Variants in ZMYM2 observed in about 807,000 individuals in gnomAD.
The protein encoded by ZMYM2 is zinc finger MYM-type protein 2.
Under a neutral mutation model 162.8 loss-of-function variants are expected in ZMYM2, and 56 were observed. The ratio of observed to expected loss-of-function variants is 0.34; its 90% CI spans 0.28 to 0.43. The LOEUF (loss-of-function observed/expected upper bound fraction) is 0.43, where lower values mean the gene tolerates loss of function less well. Among genes scored for constraint, ZMYM2 ranks in the 20% least tolerant of loss-of-function variants. ZMYM2 has a pLI of 1.00. For missense variants in ZMYM2, 1,275 were observed against 1,621.8 expected (o/e 0.79, Z 3.67); for synonymous variants, 510 against 541.6 (o/e 0.94, Z 0.81).
At chr13:19,900,922 C>CA in the ZMYM2 span, among the ~76,000 whole-genome samples, 1 of 152,056 alleles carries the variant, frequency 6.6e-6, no homozygotes, top group African/African-American at 2.4e-5. Context: ...GTCCCAGCTA[C>CA]TCGTGAGGCT....
rs981389855 is a variant in ZMYM2 at position 19,973,179 on chromosome 13, C to T, written c.-11+13153C>T. Among the ~76,000 whole-genome samples, 18 of 151,864 alleles carry T rather than the reference C, an allele frequency of 1.2e-4. No homozygotes were observed. The South Asian group carries it at 1.5e-3, about 12-fold the overall frequency. On this transcript the variant is annotated intron_variant, in intron 2 of 24. Coordinates refer to ENST00000610343, the MANE Select transcript of ZMYM2 (RefSeq NM_197968.4). ...CTCAAACTCCTGACCTCAGGTGATC[C>T]GCCCACCTCAGCCTCCCAAAGTGCT...
chr13:19,903,601 C>T, the ZMYM2 span, among the ~76,000 whole-genome samples: 4 of 151,330 alleles, frequency 2.6e-5, no homozygotes, highest in Non-Finnish European at 5.9e-5. Flanking sequence ...AGTGTGATGG[C>T]TCATACCTAT....
chr13:19,921,979 T>C, the ZMYM2 span, among the ~76,000 whole-genome samples: 15 of 152,200 alleles, frequency 9.9e-5, no homozygotes, highest in East Asian at 2.9e-3. Flanking sequence ...AGTGGTGCGA[T>C]CTCGGCTTAC....
the ZMYM2 span, among the ~76,000 whole-genome samples, chr13:19,944,796 A>G: frequency 1.3e-5 from 2 of 151,982 alleles, no homozygotes; most frequent in African/African-American, 4.8e-5. Flanking sequence ...TCAGCCTCCC[A>G]TGTAGCTGGG....
At chr13:19,876,259 T>A in the ZMYM2 span, among the ~76,000 whole-genome samples, 2 of 152,274 alleles carry the variant, frequency 1.3e-5, no homozygotes, top group African/African-American at 4.8e-5. Context: ...ACTCCTGACC[T>A]CCGGTGATCC....
At chr13:19,906,202 G>A in the ZMYM2 span, among the ~76,000 whole-genome samples, 1 of 149,986 alleles carries the variant, frequency 6.7e-6, no homozygotes, top group Admixed American at 6.7e-5. Context: ...TTGAACCTGG[G>A]AGGTGGAGGT....
At chr13:19,918,495 C>CTT in the ZMYM2 span, among the ~76,000 whole-genome samples, 9,838 of 107,306 alleles carry the variant, frequency 0.092, 506 homozygotes, top group Non-Finnish European at 0.11. Context: ...TTCTTTCTTT[C>CTT]TTTTTTTTTT....
chr13:20,063,692 T>C (rs1956404305), intron 18 of ZMYM2, among the ~76,000 whole-genome samples: 1 of 150,072 alleles, frequency 6.7e-6, no homozygotes, highest in East Asian at 1.9e-4. Context: ...GAGGCAGAAT[T>C]GCTTGAACTC....
chr13:20,077,366 T>C (rs1010129219), intron 21 of ZMYM2, among the ~76,000 whole-genome samples: 3 of 150,604 alleles, frequency 2.0e-5, no homozygotes, highest in Non-Finnish European at 2.9e-5. Flanking sequence ...CTTGCCCAAG[T>C]TACACAGCTC....
intron 2 of ZMYM2, among the ~76,000 whole-genome samples, chr13:19,979,152 A>G (rs1314009460): frequency 3.3e-5 from 5 of 152,104 alleles, no homozygotes; most frequent in Non-Finnish European, 7.4e-5. Context: ...GATTCCTTGA[A>G]CCAGATGAGT....
At chr13:19,891,694 T>C in the ZMYM2 span, among the ~76,000 whole-genome samples, 18 of 151,534 alleles carry the variant, frequency 1.2e-4, no homozygotes, top group Non-Finnish European at 2.5e-4. Context: ...GGAGGTTCAC[T>C]TGAGCCCAGG....
chr13:19,993,040 T>C, intron 2 of ZMYM2, 23 bp from the exon 3 acceptor site: 2 of 1,541,100 alleles, frequency 1.3e-6, no homozygotes, highest in Non-Finnish European at 8.7e-7. Context: ...ACATTTTAAT[T>C]CTTTTTTCTA....
At chr13:19,950,972 C>A in the ZMYM2 span, among the ~76,000 whole-genome samples, 2 of 152,180 alleles carry the variant, frequency 1.3e-5, 1 homozygote, top group Admixed American at 1.3e-4. Flanking sequence ...GCATGTGGTC[C>A]AACACAAATT....
chr13:19,893,230 TG>T, the ZMYM2 span, among the ~76,000 whole-genome samples: 1 of 142,124 alleles, frequency 7.0e-6, no homozygotes, highest in Admixed American at 7.1e-5. Context: ...CAGGAGCTCT[TG>T]GTAACTTCTG....
At chr13:19,961,703 C>T (rs997376955) in intron 2 of ZMYM2, among the ~76,000 whole-genome samples, 2 of 152,124 alleles carry the variant, frequency 1.3e-5, no homozygotes, top group Admixed American at 1.3e-4. Context: ...TGTATACTAA[C>T]GGAAAGCAGT....
chr13:19,978,508 C>T (rs866618630), intron 2 of ZMYM2, among the ~76,000 whole-genome samples: 1 of 152,074 alleles, frequency 6.6e-6, no homozygotes, highest in African/African-American at 2.4e-5. Flanking sequence ...CGTCCGCCTC[C>T]TGGGTTCAAG....
At chr13:20,046,241 G>C (rs942693556) in intron 12 of ZMYM2, among the ~76,000 whole-genome samples, 2 of 151,938 alleles carry the variant, frequency 1.3e-5, no homozygotes, top group Admixed American at 1.3e-4. Flanking sequence ...GCAAGACCCT[G>C]TCTCAAAAAG....
chr13:19,972,974 T>C (rs1254627692), intron 2 of ZMYM2, among the ~76,000 whole-genome samples: 4 of 151,452 alleles, frequency 2.6e-5, no homozygotes, highest in Non-Finnish European at 5.9e-5. Context: ...CTCGCTCTTA[T>C]CACCCAGGCT....
intron 12 of ZMYM2, among the ~76,000 whole-genome samples, chr13:20,037,890 A>G (rs1008320484): frequency 2.0e-5 from 3 of 152,134 alleles, no homozygotes; most frequent in Non-Finnish European, 4.4e-5. Context: ...TTATTTTATC[A>G]CCCAGATATT....
Sources: gnomAD v4.1 joint callset for allele counts (sites outside exome capture counted in the v4.1 genomes callset) on GRCh38, gnomAD v4.1.1 for gene constraint, MANE v1.5 for transcripts, NCBI Gene and HGNC (gene_info 2026-07-23, HGNC 2026-07-21) for gene names.